Variants in DLC1 observed in about 807,000 individuals in gnomAD.
The protein encoded by DLC1 is DLC1 Rho GTPase activating protein.
In DLC1, 54 loss-of-function variants were observed where a neutral mutation model predicts 140.3. The observed-to-expected ratio is 0.38, with a 90% CI of 0.31 to 0.48. The LOEUF (loss-of-function observed/expected upper bound fraction) is 0.48. DLC1 is among the 20% of genes least tolerant of loss of function. The pLI is 0.96. For synonymous variants in DLC1, 986 were observed against 728.1 expected (o/e 1.35, Z -5.70); for missense variants, 2,536 against 1,907.0 (o/e 1.33, Z -6.14).
At chr8:13,449,988 C>A (rs1007971991) in intron 2 of DLC1, among the ~76,000 whole-genome samples, 1 of 151,640 alleles carries the variant, frequency 6.6e-6, no homozygotes, top group Non-Finnish European at 1.5e-5. Flanking sequence ...ACAGGCTTCC[C>A]CAACTCTGTA....
intron 4 of DLC1, among the ~76,000 whole-genome samples, chr8:13,326,198 T>A (rs778009390): frequency 2.8e-4 from 43 of 152,292 alleles, no homozygotes; most frequent in Non-Finnish European, 5.7e-4. Context: ...TATTAAAAAT[T>A]ATGAAAAATG....
chr8:13,388,628 A>T (rs1009750790), intron 4 of DLC1, among the ~76,000 whole-genome samples: 1 of 152,052 alleles, frequency 6.6e-6, no homozygotes, highest in Admixed American at 6.6e-5. Flanking sequence ...CATCAAAATA[A>T]CACTTCAGAA....
chr8:13,315,154 C>G (rs73663543), intron 4 of DLC1, among the ~76,000 whole-genome samples: 1 of 152,144 alleles, frequency 6.6e-6, no homozygotes, highest in African/African-American at 2.4e-5. Context: ...GTAGCTCATG[C>G]TTGGAATCCC....
At chr8:13,179,692 G>T (rs901363608) in intron 5 of DLC1, among the ~76,000 whole-genome samples, 30 of 152,026 alleles carry the variant, frequency 2.0e-4, no homozygotes, top group African/African-American at 7.2e-4. Context: ...CTGCATTCCA[G>T]CCTGGGCCAC....
At chr8:13,512,420 C>T (rs1290923456) in intron 1 of DLC1, among the ~76,000 whole-genome samples, 2 of 152,044 alleles carry the variant, frequency 1.3e-5, no homozygotes, top group African/African-American at 4.8e-5. Flanking sequence ...CATTTTATAC[C>T]ACGTTGTTCA....
chr8:13,303,057 G>A (rs1301987580), intron 5 of DLC1, among the ~76,000 whole-genome samples: 4 of 151,920 alleles, frequency 2.6e-5, no homozygotes, highest in African/African-American at 9.7e-5. Flanking sequence ...ACGAACATTT[G>A]TCTTGACAGG....
intron 4 of DLC1, among the ~76,000 whole-genome samples, chr8:13,345,594 C>T (rs1834298941): frequency 8.7e-6 from 1 of 114,540 alleles, no homozygotes; most frequent in Non-Finnish European, 1.7e-5. Flanking sequence ...TGCTGTATCA[C>T]CCAGATTGGA....
intron 4 of DLC1, among the ~76,000 whole-genome samples, chr8:13,351,217 TG>T (rs1361496175): frequency 6.6e-6 from 1 of 152,230 alleles, no homozygotes; most frequent in Non-Finnish European, 1.5e-5. Context: ...GTGCTTTATA[TG>T]AATTGATTCA....
chr8:13,094,464 G>A (rs985118831), intron 12 of DLC1, among the ~76,000 whole-genome samples: 5 of 152,048 alleles, frequency 3.3e-5, no homozygotes, highest in African/African-American at 4.8e-5. Flanking sequence ...TCAGGAGTTC[G>A]AGACCATCCT....
chr8:13,240,835 G>A (rs1482470754), intron 5 of DLC1, among the ~76,000 whole-genome samples: 3 of 152,122 alleles, frequency 2.0e-5, no homozygotes, highest in Non-Finnish European at 4.4e-5. Flanking sequence ...AAATATCTTT[G>A]CTCCAAATGA....
chr8:13,248,481 C>A (rs1361939344), intron 5 of DLC1, among the ~76,000 whole-genome samples: 1 of 152,110 alleles, frequency 6.6e-6, no homozygotes, highest in Non-Finnish European at 1.5e-5. Context: ...CATGTCAATC[C>A]AATCCCCAGT....
intron 5 of DLC1, among the ~76,000 whole-genome samples, chr8:13,152,723 G>A (rs1585782032): frequency 6.7e-6 from 1 of 148,268 alleles, no homozygotes. Context: ...AGCTAAGATG[G>A]GAACAGCACC....
intron 1 of DLC1, among the ~76,000 whole-genome samples, chr8:13,549,498 A>G (rs188728714): frequency 3.3e-5 from 5 of 152,140 alleles, no homozygotes; most frequent in African/African-American, 1.2e-4. Flanking sequence ...CCACATTTTC[A>G]TGAAATACCC....
chr8:13,433,308 A>G (rs1563342367), intron 2 of DLC1, among the ~76,000 whole-genome samples: 1 of 152,172 alleles, frequency 6.6e-6, no homozygotes, highest in Non-Finnish European at 1.5e-5. Context: ...TCTGGGGCTC[A>G]GTAAGGCTTA....
chr8:13,305,607 A>G (rs968214907), intron 4 of DLC1, among the ~76,000 whole-genome samples: 4 of 152,134 alleles, frequency 2.6e-5, no homozygotes, highest in African/African-American at 9.7e-5. Context: ...GGAGGCAGAG[A>G]CAGGCGGATC....
At chr8:13,431,538 C>G (rs1585096418) in intron 2 of DLC1, among the ~76,000 whole-genome samples, 1 of 136,064 alleles carries the variant, frequency 7.3e-6, no homozygotes, top group East Asian at 2.4e-4. Flanking sequence ...GCATTGATGT[C>G]ACAACTCTGT....
intron 3 of DLC1, among the ~76,000 whole-genome samples, chr8:13,394,985 C>T (rs188132256): frequency 2.5e-5 from 3 of 119,076 alleles, no homozygotes; most frequent in African/African-American, 8.1e-5. Context: ...ATCCTCTTTG[C>T]TTGCTAATCT....
rs1563453931 is a variant in DLC1, at chr8:13,579,344, TA to T, written c.-126+25192del. Reference sequence around the variant, plus strand: ...ATATATATATATATATATATATATATATATATATATATATATATTTTTATAT... The same window carrying T: ...ATATATATATATATATATATATATATTATATATATATATATATTTTTATAT... On this transcript the variant is annotated intron_variant, in intron 1 of 1. Transcript: ENST00000631382. Among the ~76,000 whole-genome samples, 4 of 55,662 alleles carry T rather than the reference TA, an allele frequency of 7.2e-5. 1 individual carries two copies. Among genetic ancestry groups the T allele is most frequent in the East Asian group, 1.4e-3 (2 of 1,462 alleles). 36.5% of individuals were successfully genotyped at this position (55,662 alleles called of 152,430 possible).
At chr8:13,517,916 A>C (rs1802642449), upstream of DLC1, among the ~76,000 whole-genome samples, 1 of 152,156 alleles carries the variant, frequency 6.6e-6, no homozygotes, top group Admixed American at 6.6e-5. Flanking sequence ...TACCACTTAA[A>C]TTATTGCCTT....
Sources: allele counts gnomAD v4.1 joint callset (sites outside exome capture counted in the v4.1 genomes callset), GRCh38; gene constraint gnomAD v4.1.1; transcripts MANE v1.5; gene names NCBI Gene and HGNC (gene_info 2026-07-23, HGNC 2026-07-21).